Variants in ACO1 observed in about 807,000 individuals in gnomAD.
ACO1 encodes the protein cytoplasmic aconitate hydratase.
In ACO1, 78 loss-of-function variants were observed where a neutral mutation model predicts 105.1. The observed-to-expected ratio is 0.74, with a 90% CI of 0.62 to 0.90. ACO1 has a LOEUF of 0.90. ACO1 is among the 40% of genes least tolerant of loss of function. The pLI is 0.00. For synonymous variants in ACO1, 364 were observed against 397.4 expected (o/e 0.92, Z 1.00); for missense variants, 965 against 1,111.1 (o/e 0.87, Z 1.87).
intron 19 of ACO1, 136 bp downstream of exon 19, chr9:32,440,723 C>A: frequency 8.4e-7 from 1 of 1,188,180 alleles, no homozygotes; most frequent in Non-Finnish European, 1.1e-6. Flanking sequence ...GTGTTTATTC[C>A]TGGCCTGCTT....
intron 4 of ACO1, among the ~76,000 whole-genome samples, chr9:32,414,360 C>G (rs974870847): frequency 2.0e-5 from 3 of 152,184 alleles, no homozygotes; most frequent in Admixed American, 2.0e-4. Context: ...TAAAAGCTCA[C>G]TAGATTAGAC....
chr9:32,406,598 G>A (rs1432365392), intron 2 of ACO1, among the ~76,000 whole-genome samples: 1 of 152,198 alleles, frequency 6.6e-6, no homozygotes, highest in African/African-American at 2.4e-5. Flanking sequence ...ACTCCAGTCT[G>A]GGTAACAGAG....
chr9:32,399,037 TA>T (rs1426975316), intron 1 of ACO1, among the ~76,000 whole-genome samples: 2 of 152,246 alleles, frequency 1.3e-5, no homozygotes, highest in Admixed American at 1.3e-4. Flanking sequence ...TTCCTTGCTA[TA>T]ATTCACTAGG....
rs1194398367 is a variant in ACO1, at chr9:32,405,471, T to G, written c.-22-14T>G. The G allele has an allele frequency of 6.7e-7, 1 of 1,484,754 alleles. No individual in the cohort carries two copies. The highest frequency in any genetic ancestry group is 9.4e-7 in the Non-Finnish European group (1 of 1,064,670). The allele number at this position is 1,484,754 out of a possible 1,614,324, so 92.0% of individuals were successfully genotyped here. On this transcript the variant is annotated splice_polypyrimidine_tract_variant and intron_variant, in intron 1 of 20. Transcript: ENST00000309951. ...TCTTAAAAAAAGAATTTAAATGTTCTCTTTTCTTTTCAGGAACACGTGGCC... is the reference window on the plus strand; with the variant it reads ...TCTTAAAAAAAGAATTTAAATGTTCGCTTTTCTTTTCAGGAACACGTGGCC...
In ACO1 at chr9:32,434,582, A is replaced by C. The variant is rs1217904606; in HGVS notation, c.1980A>C (p.Lys660Asn). The change falls in exon 17 of 21, where the codon AAA becomes AAC. Residue 660 changes from lysine (K) to asparagine (N), a missense_variant. Coordinates refer to ENST00000309951, the MANE Select transcript of ACO1 (RefSeq NM_002197.3). ...AGACTTTGGATCTTCAGCCCCCTAA[A>C]TCTATAGTGGATGCCTATGTGCTGC... ...ENLTLDLQPPKSIVDAYVLLN... is the reference protein window; with the variant it reads ...ENLTLDLQPPNSIVDAYVLLN... 6.2e-7 allele frequency: 1 copy of C among 1,614,084 alleles called. No homozygotes were observed.
intron 7 of ACO1, 66 bp from the exon 8 acceptor site, chr9:32,420,790 T>C: frequency 6.5e-7 from 1 of 1,533,814 alleles, no homozygotes; most frequent in Non-Finnish European, 8.9e-7. Flanking sequence ...AAGTGCAAGA[T>C]GGTAGTTCTG....
At chr9:32,416,449 G>A (rs1821852020) in intron 4 of ACO1, among the ~76,000 whole-genome samples, 1 of 151,938 alleles carries the variant, frequency 6.6e-6, no homozygotes, top group Non-Finnish European at 1.5e-5. Flanking sequence ...TTTTTCCCAA[G>A]GAGTGTCTGC....
intron 2 of ACO1, among the ~76,000 whole-genome samples, chr9:32,407,047 G>A (rs1444449269): frequency 6.6e-6 from 1 of 152,204 alleles, no homozygotes; most frequent in African/African-American, 2.4e-5. Flanking sequence ...CTCCCAAAGT[G>A]CTGGGATTAC....
chr9:32,400,078 C>A (rs974327293), intron 1 of ACO1, among the ~76,000 whole-genome samples: 1 of 134,750 alleles, frequency 7.4e-6, no homozygotes, highest in Non-Finnish European at 1.5e-5. Context: ...TCAAATAATT[C>A]TCCTTCCTCA....
rs1416429751 is a variant in ACO1 at position 32,418,513 on chromosome 9, T to C, written c.658+2T>C. ...ATGGCTTGGGCATTCTTGGTTGGGG[T>C]GAGTGTTCTTCCATATATGCTGTTT... On this transcript the variant is annotated splice_donor_variant, in intron 6 of 20. Transcript: ENST00000309951. LOFTEE classifies it high-confidence loss of function. 6.2e-7 allele frequency: 1 copy of C among 1,610,714 alleles called. No individual in the cohort carries two copies. Among genetic ancestry groups the C allele is most frequent in the Non-Finnish European group, 8.5e-7 (1 of 1,177,390 alleles).
chr9:32,408,710 A>G, intron 4 of ACO1, 59 bp downstream of exon 4: 1 of 1,575,030 alleles, frequency 6.3e-7, no homozygotes, highest in East Asian at 2.3e-5. Flanking sequence ...TTGAACACGA[A>G]TCTTTTTAAA....
intron 19 of ACO1, chr9:32,445,622 G>A (rs1478935997): frequency 3.6e-6 from 1 of 277,734 alleles, no homozygotes; most frequent in South Asian, 2.8e-5. Context: ...CTTCAGTTCT[G>A]CTTTGATCTT....
intron 10 of ACO1, among the ~76,000 whole-genome samples, 200 bp downstream of exon 10, chr9:32,424,865 A>T (rs545055400): frequency 6.6e-6 from 1 of 152,304 alleles, no homozygotes; most frequent in African/African-American, 2.4e-5. Flanking sequence ...GACACAACTC[A>T]ACCCACCTTT....
chr9:32,402,637 G>C (rs1029848577), intron 1 of ACO1, among the ~76,000 whole-genome samples: 1 of 152,176 alleles, frequency 6.6e-6, no homozygotes, highest in Non-Finnish European at 1.5e-5. Context: ...GATGGGATGA[G>C]TGTCTGGCCA....
At chr9:32,418,985 A>G in intron 6 of ACO1, 53 bp from the exon 7 acceptor site, 1 of 1,481,932 alleles carries the variant, frequency 6.7e-7, no homozygotes, top group Non-Finnish European at 9.0e-7. Context: ...TATACCTGAG[A>G]GATAGAGTAA....
chr9:32,390,993 T>A (rs1432312929), intron 1 of ACO1, among the ~76,000 whole-genome samples: 3 of 152,192 alleles, frequency 2.0e-5, no homozygotes, highest in African/African-American at 7.2e-5. Context: ...TTGACTATAT[T>A]TTAAATACTT....
intron 1 of ACO1, among the ~76,000 whole-genome samples, chr9:32,397,755 C>T (rs1191749186): frequency 6.6e-6 from 1 of 152,120 alleles, no homozygotes; most frequent in Non-Finnish European, 1.5e-5. Flanking sequence ...CAGTTCAAGA[C>T]AAGTATATTT....
chr9:32,391,381 G>A (rs1022238918), intron 1 of ACO1, among the ~76,000 whole-genome samples: 9 of 152,194 alleles, frequency 5.9e-5, no homozygotes, highest in Non-Finnish European at 8.8e-5. Context: ...TTTGGGAGAC[G>A]GAACAGGTTC....
At position 32,407,287 on chromosome 9, in the gene ACO1, C is replaced by A; in HGVS notation, c.124C>A (p.Leu42Ile). The A allele has an allele frequency of 6.2e-7, 1 of 1,614,094 alleles. No homozygotes were observed. Among genetic ancestry groups the A allele is most frequent in the Non-Finnish European group, 8.5e-7 (1 of 1,180,002 alleles). ...YGRLPFSIRV[L>I]LEAAIRNCDE... ...GCGCTTACCATTTTCGATCAGAGTTCTTCTGGAAGCAGCCATTCGGAATTG... is the reference window on the plus strand; with the variant it reads ...GCGCTTACCATTTTCGATCAGAGTTATTCTGGAAGCAGCCATTCGGAATTG... Residue 42 changes from leucine (L) to isoleucine (I), a missense_variant, in exon 3 of 21, where the codon CTT becomes ATT. By Grantham distance (5) the Leu-to-Ile change is conservative. Transcript: ENST00000309951.
Sources: gnomAD v4.1 joint callset for allele counts (sites outside exome capture counted in the v4.1 genomes callset) on GRCh38, gnomAD v4.1.1 for gene constraint, MANE v1.5 for transcripts, NCBI Gene and HGNC (gene_info 2026-07-23, HGNC 2026-07-21) for gene names.